Variants in METTL21C observed in about 807,000 individuals in gnomAD.
METTL21C encodes the protein protein-lysine methyltransferase METTL21C.
Under a neutral mutation model 25.9 loss-of-function variants are expected in METTL21C, and 21 were observed. That is an observed-to-expected ratio of 0.81 (90% CI 0.58 to 1.17). The LOEUF is 1.17. METTL21C is among the 50% of genes most tolerant of loss of function. The probability of loss-of-function intolerance (pLI) is 0.00; values close to 1 mark genes in which losing one functional copy is unlikely to be tolerated. For missense variants in METTL21C, 312 were observed against 315.1 expected (o/e 0.99, Z 0.07); for synonymous variants, 125 against 124.7 (o/e 1.00, Z -0.01).
Position 102,686,336 on chromosome 13 carries a change from G to A in METTL21C, c.490C>T (p.Leu164=). ...CATACCAGTTCTTTCACTTCAGGCAGATGTGCTGTACATTGTAGTGTGTTT... is the reference window on the plus strand; with the variant it reads ...CATACCAGTTCTTTCACTTCAGGCAAATGTGCTGTACATTGTAGTGTGTTT... ...LKNTLQCTAH[L]PEVKELVWGE... Residue 164 remains leucine (L), a synonymous_variant, in exon 4 of 4, where the codon CTG becomes TTG. Transcript: ENST00000267273. 5.0e-6 allele frequency: 8 copies of A among 1,614,234 alleles called. No individual in the cohort carries two copies. Among genetic ancestry groups the A allele is most frequent in the Non-Finnish European group, 6.8e-6 (8 of 1,180,046 alleles).
Position 102,686,406 on chromosome 13 carries a change from T to G in METTL21C, c.420A>C (p.Thr140=), listed in dbSNP as rs1232216876. 6.2e-7 allele frequency: 1 copy of G among 1,612,444 alleles called. No homozygotes were observed. Among genetic ancestry groups the G allele is most frequent in the Non-Finnish European group, 8.5e-7 (1 of 1,179,072 alleles). ...ASILGAQVTA[T]DLPDVLGNLQ... is the part of the protein sequence containing the mutation. The stretch of plus-strand genomic sequence containing the variant: ...GGTTTCCCAGGACATCAGGCAAATC[T>G]GTTGCTGTGACTTGAGCTCCTAAGA... The change falls in exon 4 of 4, where the codon ACA becomes ACC. Residue 140 remains threonine (T), a synonymous_variant. Transcript: ENST00000267273.
At chr13:102,701,799 C>A in the METTL21C span, among the ~76,000 whole-genome samples, 1 of 152,108 alleles carries the variant, frequency 6.6e-6, no homozygotes, top group Non-Finnish European at 1.5e-5. Flanking sequence ...ACTATATGAT[C>A]ATCTTGAAAG....
At chr13:102,688,866 TC>T (rs530940052) in intron 2 of METTL21C, among the ~76,000 whole-genome samples, 3 of 89,076 alleles carry the variant, frequency 3.4e-5, no homozygotes, top group South Asian at 4.1e-4. Context: ...TTGCAAACAT[TC>T]CCCCGCCAGC....
intron 2 of METTL21C, among the ~76,000 whole-genome samples, chr13:102,687,788 T>A (rs773301267): frequency 2.0e-5 from 3 of 152,230 alleles, no homozygotes; most frequent in Non-Finnish European, 2.9e-5. Flanking sequence ...GCAAGCAGAT[T>A]TTTTTAAATG....
intron 2 of METTL21C, among the ~76,000 whole-genome samples, chr13:102,688,374 G>A (rs1447406324): frequency 6.6e-6 from 1 of 152,214 alleles, no homozygotes; most frequent in Non-Finnish European, 1.5e-5. Flanking sequence ...GGGCTTAGGG[G>A]CCATGTCAGC....
At chr13:102,692,955 A>C (rs1356806644) in intron 1 of METTL21C, among the ~76,000 whole-genome samples, 3 of 152,204 alleles carry the variant, frequency 2.0e-5, no homozygotes, top group African/African-American at 7.2e-5. Flanking sequence ...TCTGGTTTAG[A>C]GGCAGGAGGA....
the METTL21C span, among the ~76,000 whole-genome samples, chr13:102,700,109 C>T: frequency 6.6e-6 from 1 of 152,146 alleles, no homozygotes; most frequent in African/African-American, 2.4e-5. Context: ...ACCAACATTA[C>T]CAGTGAAGAA....
At chr13:102,697,637 T>C (rs1042583568), upstream of METTL21C, among the ~76,000 whole-genome samples, 1 of 152,096 alleles carries the variant, frequency 6.6e-6, no homozygotes, top group African/African-American at 2.4e-5. Context: ...GATAGAGGGA[T>C]TAACACAGGA....
rs1885924063 is a variant in METTL21C at position 102,694,980 on chromosome 13, A to G, written c.-482T>C. 6.6e-6 allele frequency among the ~76,000 whole-genome samples: 1 copy of G among 151,870 alleles called. No individual in the cohort carries two copies. The highest frequency in any genetic ancestry group is 2.4e-5 in the African/African-American group (1 of 41,358). ...AATTCCCTTCAAAAGTTTCAGGAATATCACTGGAACAGAACAGAGGCTGCC... is the reference window on the plus strand; with the variant it reads ...AATTCCCTTCAAAAGTTTCAGGAATGTCACTGGAACAGAACAGAGGCTGCC... On this transcript the variant is annotated 5_prime_UTR_variant, in exon 1 of 4. Transcript: ENST00000267273.
chr13:102,701,482 G>T, the METTL21C span, among the ~76,000 whole-genome samples: 3 of 152,204 alleles, frequency 2.0e-5, no homozygotes, highest in Non-Finnish European at 4.4e-5. Flanking sequence ...CTCCATAGCT[G>T]CACCTTCTCA....
upstream of METTL21C, among the ~76,000 whole-genome samples, chr13:102,696,588 T>C (rs867948093): frequency 3.3e-5 from 5 of 152,214 alleles, no homozygotes; most frequent in African/African-American, 1.2e-4. Context: ...TTTAGATAGC[T>C]GCTTTAAGAT....
chr13:102,699,803 C>CA (rs550407189), upstream of METTL21C, among the ~76,000 whole-genome samples: 1 of 101,988 alleles, frequency 9.8e-6, no homozygotes, highest in Non-Finnish European at 2.1e-5. Flanking sequence ...TGCTGCAATA[C>CA]CCCCCCGACC....
In METTL21C at chr13:102,694,353, T is replaced by G. The variant is rs778005582; in HGVS notation, c.130+16A>C. 1 of 1,599,558 alleles carries G rather than the reference T, an allele frequency of 6.3e-7. No individual in the cohort carries two copies. The highest frequency in any genetic ancestry group is 1.1e-5 in the South Asian group (1 of 90,760). On this transcript the variant is annotated intron_variant, in intron 1 of 3. Coordinates refer to ENST00000267273, the MANE Select transcript of METTL21C (RefSeq NM_001010977.3). Reference sequence around the variant, plus strand: ...CAACTGAGGAAAACTGTTGAAGTGATGAAGAAGGAGGTTACCTTCTAGGAC... The same window carrying G: ...CAACTGAGGAAAACTGTTGAAGTGAGGAAGAAGGAGGTTACCTTCTAGGAC...
chr13:102,691,129 A>C (rs1885821205), intron 1 of METTL21C, among the ~76,000 whole-genome samples, 165 bp from the exon 2 acceptor site: 1 of 152,186 alleles, frequency 6.6e-6, no homozygotes. Context: ...AAATTGAATT[A>C]TATGGGGTGA....
At chr13:102,687,125 C>G (rs962499452) in intron 2 of METTL21C, 68 bp from the exon 3 acceptor site, 1 of 1,175,700 alleles carries the variant, frequency 8.5e-7, no homozygotes. Context: ...CCCTTTCTGG[C>G]ACCCAAATTT....
the METTL21C span, among the ~76,000 whole-genome samples, chr13:102,701,615 G>T: frequency 6.6e-6 from 1 of 152,110 alleles, no homozygotes; most frequent in Non-Finnish European, 1.5e-5. Flanking sequence ...GATTGTGTGT[G>T]TGTGTGTGTA....
intron 1 of METTL21C, 60 bp downstream of exon 1, chr13:102,694,308 AG>A: frequency 1.3e-6 from 2 of 1,552,874 alleles, no homozygotes; most frequent in East Asian, 2.4e-5. Context: ...ATTTACTTGA[AG>A]ATGTCATCGC....
chr13:102,699,579 G>A (rs1886000424), upstream of METTL21C, among the ~76,000 whole-genome samples: 1 of 152,180 alleles, frequency 6.6e-6, no homozygotes, highest in African/African-American at 2.4e-5. Flanking sequence ...GAGACTCAGT[G>A]GGAATTCCCT....
rs778382454 is a variant in METTL21C, at chr13:102,686,099, T to G, written c.727A>C (p.Thr243Pro). 4.3e-6 allele frequency: 7 copies of G among 1,613,422 alleles called. No individual in the cohort carries two copies. Among genetic ancestry groups the G allele is most frequent in the Non-Finnish European group, 5.9e-6 (7 of 1,179,540 alleles). ...TCTGGATATTCAGCCAACAGTGTTG[T>G]GTCAAAAACTTGCTTGAATTTATCT... ...FLDKFKQVFD[T>P]TLLAEYPESS... The change falls in exon 4 of 4, where the codon ACA becomes CCA. Residue 243 changes from threonine (T) to proline (P), a missense_variant. By Grantham distance (38) the Thr-to-Pro change is conservative (BLOSUM62 -1). Coordinates refer to ENST00000267273, the MANE Select transcript of METTL21C (RefSeq NM_001010977.3).
Sources: allele counts gnomAD v4.1 joint callset (sites outside exome capture counted in the v4.1 genomes callset), GRCh38; gene constraint gnomAD v4.1.1; transcripts MANE v1.5; gene names NCBI Gene and HGNC (gene_info 2026-07-23, HGNC 2026-07-21).